XXYLT1: variants seen among roughly 807,000 people sequenced by gnomAD.
XXYLT1 encodes UDP-xylose:alpha-xyloside alpha-1,3-xylosyltransferase.
A neutral mutation model predicts 28.9 loss-of-function variants in XXYLT1; 20 were observed. The ratio of observed to expected loss-of-function variants is 0.69; its 90% confidence interval spans 0.49 to 1.00. The LOEUF (loss-of-function observed/expected upper bound fraction) is 1.00. Among genes scored for constraint, XXYLT1 ranks in the 50% least tolerant of loss-of-function variants. The pLI, the probability that XXYLT1 is intolerant of heterozygous loss-of-function variation, is 0.00. For synonymous variants in XXYLT1, 257 were observed against 253.8 expected (o/e 1.01, Z -0.12); for missense variants, 542 against 560.1 (o/e 0.97, Z 0.33).
chr3:195,202,726 T>C (rs899890764), intron 2 of XXYLT1, among the ~76,000 whole-genome samples: 13 of 152,220 alleles, frequency 8.5e-5, no homozygotes, highest in African/African-American at 3.1e-4. Context: ...GATGCATAGT[T>C]TCCAGTCCTC....
intron 1 of XXYLT1, among the ~76,000 whole-genome samples, chr3:195,264,793 G>C (rs1476272055): frequency 6.6e-6 from 1 of 152,216 alleles, no homozygotes; most frequent in African/African-American, 2.4e-5. Context: ...AGCCGGGCGT[G>C]TTGGCTCACA....
chr3:195,127,663 G>C (rs1327958536), intron 3 of XXYLT1, among the ~76,000 whole-genome samples: 2 of 152,064 alleles, frequency 1.3e-5, no homozygotes, highest in East Asian at 3.9e-4. Context: ...TGTAGACCCA[G>C]CTACTTGGGA....
rs1384192474 is a variant in XXYLT1 at position 195,228,638 on chromosome 3, G to A, written c.505-1782C>T. Reference sequence around the variant, plus strand: ...CAAGTATCTGGGACTACAGACGCCCGCCACCACCCCCAGCTAATTTTTTGT... The same window carrying A: ...CAAGTATCTGGGACTACAGACGCCCACCACCACCCCCAGCTAATTTTTTGT... On this transcript the variant is annotated intron_variant, in intron 1 of 3. Transcript: ENST00000310380. Among the ~76,000 whole-genome samples, 3 of 150,712 alleles carry A rather than the reference G, an allele frequency of 2.0e-5. No individual in the cohort carries two copies. The East Asian group carries it at 5.8e-4, about 29-fold the overall frequency.
chr3:195,083,959 G>A (rs1715582122), intron 3 of XXYLT1, among the ~76,000 whole-genome samples: 1 of 152,108 alleles, frequency 6.6e-6, no homozygotes, highest in South Asian at 2.1e-4. Context: ...CCAGGAGGCA[G>A]AGGTTGCAGC....
chr3:195,253,742 G>T (rs59579668), intron 1 of XXYLT1, among the ~76,000 whole-genome samples: 18,686 of 151,724 alleles, frequency 0.12, 2,456 homozygotes, highest in African/African-American at 0.32. Context: ...CAGGTGATCC[G>T]CCCGCCTCGG....
Position 195,069,062 on chromosome 3 carries a change from G to A in XXYLT1, c.*653C>T, listed in dbSNP as rs1429707362. ...TGTAGCTGGGAGATACAAGCTGTGA[G>A]TACTCTAATAATGAGATAAGTTTTC... On this transcript the variant is annotated 3_prime_UTR_variant, in exon 4 of 4. Coordinates refer to ENST00000310380, the MANE Select transcript of XXYLT1 (RefSeq NM_152531.5). The A allele has an allele frequency of 6.6e-6, 1 of 152,242 alleles. No homozygotes were observed. Among genetic ancestry groups the A allele is most frequent in the Admixed American group, 6.5e-5 (1 of 15,286 alleles). 9.4% of individuals were successfully genotyped at this position (152,242 alleles called of 1,614,324 possible).
intron 3 of XXYLT1, among the ~76,000 whole-genome samples, chr3:195,111,049 G>A (rs1717684289): frequency 1.3e-5 from 2 of 152,042 alleles, no homozygotes; most frequent in African/African-American, 2.4e-5. Context: ...CTGGAGGCTA[G>A]AAGTCTGAGA....
chr3:195,165,551 C>G (rs1721076579), intron 2 of XXYLT1, among the ~76,000 whole-genome samples: 3 of 152,156 alleles, frequency 2.0e-5, no homozygotes, highest in Non-Finnish European at 4.4e-5. Context: ...TTTATGAGTC[C>G]AGAAATACCT....
chr3:195,112,551 A>C (rs563505144), intron 3 of XXYLT1, among the ~76,000 whole-genome samples: 2 of 145,818 alleles, frequency 1.4e-5, no homozygotes, highest in Non-Finnish European at 1.5e-5. Flanking sequence ...CCAGGTGGGA[A>C]CAGCTAGATG....
At chr3:195,224,507 C>G (rs1723965024) in intron 2 of XXYLT1, among the ~76,000 whole-genome samples, 1 of 152,210 alleles carries the variant, frequency 6.6e-6, no homozygotes, top group Non-Finnish European at 1.5e-5. Context: ...TGTCATCGGT[C>G]CCTGCACAAT....
intron 3 of XXYLT1, among the ~76,000 whole-genome samples, chr3:195,137,753 G>C (rs1442489407): frequency 6.6e-6 from 1 of 152,218 alleles, no homozygotes; most frequent in Admixed American, 6.5e-5. Context: ...TCTGTGCTTA[G>C]TATTATGTCA....
intron 1 of XXYLT1, among the ~76,000 whole-genome samples, chr3:195,244,891 T>A (rs561773169): frequency 1.1e-4 from 13 of 115,408 alleles, no homozygotes; most frequent in Non-Finnish European, 1.8e-5. Context: ...CCCGGCCGGG[T>A]GCGGTGGCTC....
chr3:195,157,768 A>G (rs1391377410), intron 2 of XXYLT1, among the ~76,000 whole-genome samples: 1 of 152,182 alleles, frequency 6.6e-6, no homozygotes, highest in East Asian at 1.9e-4. Flanking sequence ...CATGGGGTTC[A>G]ATGATGAAGC....
intron 1 of XXYLT1, among the ~76,000 whole-genome samples, chr3:195,253,557 G>A (rs1225583199): frequency 2.1e-5 from 3 of 140,652 alleles, no homozygotes; most frequent in Non-Finnish European, 4.5e-5. Flanking sequence ...GGAGTGCAGT[G>A]TTGTGATTTT....
intron 2 of XXYLT1, among the ~76,000 whole-genome samples, chr3:195,214,594 G>T (rs1355604423): frequency 2.0e-5 from 3 of 152,162 alleles, no homozygotes; most frequent in African/African-American, 7.2e-5. Flanking sequence ...TCGTAGGGGG[G>T]CAGTGGCGCC....
At chr3:195,172,522 T>A (rs1049644336) in intron 2 of XXYLT1, among the ~76,000 whole-genome samples, 5 of 152,114 alleles carry the variant, frequency 3.3e-5, no homozygotes, top group African/African-American at 1.2e-4. Flanking sequence ...ACTAACAACT[T>A]TGCATTCTTT....
In XXYLT1 at chr3:195,240,028, A is replaced by G. The variant is rs1368950447; in HGVS notation, c.505-13172T>C. ...CCCCAGAAATGATTAAATCTGTGTT[A>G]AATTTCTCTGCCTACTTTTATTTTT... On this transcript the variant is annotated intron_variant, in intron 1 of 3. Transcript: ENST00000310380. This position sits in a 1 kb window ranked among gnomAD's most constrained non-coding sequence, Gnocchi z 4.7. 6.6e-6 allele frequency among the ~76,000 whole-genome samples: 1 copy of G among 152,240 alleles called. No homozygotes were observed. Among genetic ancestry groups the G allele is most frequent in the East Asian group, 1.9e-4 (1 of 5,204 alleles).
intron 2 of XXYLT1, among the ~76,000 whole-genome samples, chr3:195,200,217 A>G (rs1375990274): frequency 6.6e-6 from 1 of 152,200 alleles, no homozygotes; most frequent in Non-Finnish European, 1.5e-5. Flanking sequence ...CGCTCTGGAA[A>G]GCCGTGAAGC....
At chr3:195,264,452 C>T (rs751154088) in intron 1 of XXYLT1, among the ~76,000 whole-genome samples, 1 of 152,238 alleles carries the variant, frequency 6.6e-6, no homozygotes, top group African/African-American at 2.4e-5. Context: ...GCACAAATGG[C>T]ACCTTATCCG....
Sources: gnomAD v4.1 joint callset for allele counts (sites outside exome capture counted in the v4.1 genomes callset) on GRCh38, gnomAD v4.1.1 for gene constraint, Gnocchi (gnomAD v3.1) non-coding constraint, MANE v1.5 for transcripts, NCBI Gene and HGNC (gene_info 2026-07-23, HGNC 2026-07-21) for gene names.